Variants in HPSE2 observed in about 807,000 individuals in gnomAD.
HPSE2 encodes the protein heparanase 2 (inactive), also known as inactive heparanase-2.
A neutral mutation model predicts 60.5 loss-of-function variants in HPSE2; 38 were observed. The observed-to-expected ratio is 0.63, with a 90% CI of 0.48 to 0.82. The LOEUF is 0.82. HPSE2 is among the 40% of genes least tolerant of loss of function. HPSE2 has a pLI of 0.00. For synonymous variants in HPSE2, 295 were observed against 293.2 expected, an observed-to-expected ratio of 1.01 and a Z score of -0.06; for missense variants, 713 against 740.4, an observed-to-expected ratio of 0.96 and a Z score of 0.43.
intron 3 of HPSE2, among the ~76,000 whole-genome samples, chr10:99,001,714 C>T (rs565974287): frequency 8.6e-5 from 13 of 151,948 alleles, no homozygotes; most frequent in Non-Finnish European, 1.3e-4. Flanking sequence ...GGCTTGTTGA[C>T]GGTACACACC....
intron 3 of HPSE2, chr10:99,048,231 GA>G (rs929537924): frequency 1.0e-5 from 6 of 576,028 alleles, no homozygotes; most frequent in Admixed American, 2.3e-5. Context: ...TATACTATTG[GA>G]AAATGCTTCA....
intron 3 of HPSE2, among the ~76,000 whole-genome samples, chr10:98,938,399 C>A (rs1355895046): frequency 6.9e-6 from 1 of 144,216 alleles, no homozygotes; most frequent in African/African-American, 2.8e-5. Flanking sequence ...CTTAAAGTAG[C>A]TGATGGAGCT....
chr10:99,134,894 A>C (rs1011241129), intron 3 of HPSE2, among the ~76,000 whole-genome samples: 1 of 152,088 alleles, frequency 6.6e-6, no homozygotes, highest in Non-Finnish European at 1.5e-5. Context: ...AACAGACTAA[A>C]TGCCCCAATT....
chr10:99,062,470 C>A (rs1387483127), intron 3 of HPSE2, among the ~76,000 whole-genome samples: 3 of 152,162 alleles, frequency 2.0e-5, no homozygotes, highest in Non-Finnish European at 4.4e-5. Context: ...GTAGCCAAAT[C>A]TTCCCATTAA....
intron 9 of HPSE2, among the ~76,000 whole-genome samples, chr10:98,535,299 G>C (rs1345086689): frequency 6.6e-6 from 1 of 152,056 alleles, no homozygotes; most frequent in Non-Finnish European, 1.5e-5. Context: ...ACTGCAGTGA[G>C]GGGAGAGGCT....
intron 3 of HPSE2, among the ~76,000 whole-genome samples, chr10:98,990,989 T>G (rs986366344): frequency 1.3e-5 from 2 of 152,164 alleles, no homozygotes; most frequent in African/African-American, 4.8e-5. Context: ...ACTGGTCTAT[T>G]AACTGTCTCT....
At chr10:98,859,860 T>C (rs1952410926) in intron 3 of HPSE2, among the ~76,000 whole-genome samples, 1 of 152,192 alleles carries the variant, frequency 6.6e-6, no homozygotes, top group African/African-American at 2.4e-5. Context: ...GAGGTTTCAG[T>C]TGCCCTCAGT....
At position 98,871,345 on chromosome 10, in the gene HPSE2, C is replaced by T. The variant is rs146608843; in HGVS notation, c.611-127289G>A. 7.9e-5 allele frequency among the ~76,000 whole-genome samples: 12 copies of T among 152,040 alleles called. No homozygotes were observed. The East Asian group carries it at 1.7e-3, about 22-fold the overall frequency. The stretch of plus-strand genomic sequence containing the variant: ...AGCTAGGAGGTGCACCCAAATGGGT[C>T]CTTACCCTCTCATAGGGAGCAAGAC... On this transcript the variant is annotated intron_variant, in intron 3 of 11. Transcript: ENST00000370552.
At chr10:99,175,879 TG>T (rs1847507525) in intron 2 of HPSE2, among the ~76,000 whole-genome samples, 1 of 152,296 alleles carries the variant, frequency 6.6e-6, no homozygotes, top group South Asian at 2.1e-4. Context: ...GAGATCCAGC[TG>T]GCATCTGGCA....
chr10:98,908,826 G>A (rs1477232831), intron 3 of HPSE2, among the ~76,000 whole-genome samples: 3 of 152,026 alleles, frequency 2.0e-5, no homozygotes, highest in African/African-American at 7.2e-5. Flanking sequence ...CAGAATTGTG[G>A]GTAATATGCT....
rs546878378 is a variant in HPSE2, at chr10:98,459,460, G to A, written c.*114C>T. ...GAGCAAGTCTGTGTTGATTCCAGCA[G>A]GATGGGGCAGCAGGGGCTGGTTGCT... is the stretch of plus-strand genomic sequence containing the variant. On this transcript the variant is annotated 3_prime_UTR_variant, in exon 12 of 12. Transcript: ENST00000370552. 29 of 1,128,830 alleles carry A rather than the reference G, an allele frequency of 2.6e-5. No individual in the cohort carries two copies. Among genetic ancestry groups the A allele is most frequent in the Middle Eastern group, 2.2e-4 (1 of 4,534 alleles). The allele number at this position is 1,128,830 out of a possible 1,614,324, so 69.9% of individuals were successfully genotyped here.
chr10:98,875,106 A>C (rs1288084534), intron 3 of HPSE2, among the ~76,000 whole-genome samples: 2 of 152,050 alleles, frequency 1.3e-5, no homozygotes, highest in Non-Finnish European at 2.9e-5. Context: ...CCCTAACATC[A>C]CAATAAAAGA....
intron 7 of HPSE2, among the ~76,000 whole-genome samples, chr10:98,634,292 A>G (rs1946439733): frequency 6.6e-6 from 1 of 152,212 alleles, no homozygotes; most frequent in South Asian, 2.1e-4. Context: ...CTGCTATGTG[A>G]TAGGCACTGG....
chr10:99,083,245 A>T (rs1005558797), intron 3 of HPSE2, among the ~76,000 whole-genome samples: 2 of 152,190 alleles, frequency 1.3e-5, no homozygotes, highest in African/African-American at 4.8e-5. Flanking sequence ...CAAAAATCAG[A>T]ATTCATGTCT....
chr10:98,829,738 C>T (rs1951638304), intron 3 of HPSE2, among the ~76,000 whole-genome samples: 1 of 152,108 alleles, frequency 6.6e-6, no homozygotes, highest in African/African-American at 2.4e-5. Context: ...TTTATCTAGC[C>T]TTTAATACAT....
chr10:98,492,028 C>G (rs1442678274), intron 9 of HPSE2, among the ~76,000 whole-genome samples: 1 of 152,180 alleles, frequency 6.6e-6, no homozygotes, highest in African/African-American at 2.4e-5. Context: ...CAGTTCTTTC[C>G]CATTTTTCTT....
chr10:99,298,769 G>T, the HPSE2 span, among the ~76,000 whole-genome samples: 1 of 151,918 alleles, frequency 6.6e-6, no homozygotes, highest in African/African-American at 2.4e-5. Context: ...CTGCCTTCCG[G>T]GTTCGAGAGA....
At chr10:98,689,818 T>C (rs1948029074) in intron 6 of HPSE2, among the ~76,000 whole-genome samples, 1 of 152,224 alleles carries the variant, frequency 6.6e-6, no homozygotes. Flanking sequence ...TTGGTTATAT[T>C]TGAGTCTTAG....
rs1255436282 is a variant in HPSE2, at chr10:99,209,041, C to CAAT, written c.448+23304_448+23306dup. On this transcript the variant is annotated intron_variant, in intron 2 of 11. Coordinates refer to ENST00000370552, the MANE Select transcript of HPSE2 (RefSeq NM_021828.5). ...ATCTCAAGGGAGTGATAGACAAATA[C>CAAT]AATAATAGCAGGGTACTTCAATAAC... is the stretch of plus-strand genomic sequence containing the variant. 5.9e-5 allele frequency among the ~76,000 whole-genome samples: 9 copies of CAAT among 152,164 alleles called. No homozygotes were observed. The East Asian group carries it at 1.7e-3, about 29-fold the overall frequency.
Sources: gnomAD v4.1 joint callset for allele counts (sites outside exome capture counted in the v4.1 genomes callset) on GRCh38, gnomAD v4.1.1 for gene constraint, MANE v1.5 for transcripts, NCBI Gene and HGNC (gene_info 2026-07-23, HGNC 2026-07-21) for gene names.